Variants in MYT1L observed in about 807,000 individuals in gnomAD.
MYT1L encodes the protein myelin transcription factor 1 like, also known as myelin transcription factor 1-like protein.
In MYT1L, 12 loss-of-function variants were observed where a neutral mutation model predicts 126.7. That is an observed-to-expected ratio of 0.09 (90% CI 0.06 to 0.15). The LOEUF (loss-of-function observed/expected upper bound fraction) is 0.15, where lower values mean the gene tolerates loss of function less well. MYT1L is among the 10% of genes least tolerant of loss of function. MYT1L has a pLI of 1.00. For synonymous variants in MYT1L, 541 were observed against 604.2 expected, an observed-to-expected ratio of 0.90 and a Z score of 1.53; for missense variants, 979 against 1,585.2, an observed-to-expected ratio of 0.62 and a Z score of 6.49.
At chr2:2,032,660 G>C (rs938627016) in intron 4 of MYT1L, among the ~76,000 whole-genome samples, 2 of 132,408 alleles carry the variant, frequency 1.5e-5, no homozygotes, top group African/African-American at 6.0e-5. Flanking sequence ...TCTAGAAGGA[G>C]GGCCTTACAC....
chr2:2,314,627 GCCATGATGGTTTGTTGAA>G (rs560014454), intron 1 of MYT1L, among the ~76,000 whole-genome samples: 83 of 152,244 alleles, frequency 5.5e-4, no homozygotes, highest in South Asian at 1.9e-3. Context: ...GTAAACATGT[GCCATGATGGTTTGTTGAA>G]CCTATCAACC....
intron 8 of MYT1L, among the ~76,000 whole-genome samples, chr2:1,977,257 C>T (rs904783943): frequency 1.1e-4 from 17 of 152,040 alleles, no homozygotes; most frequent in African/African-American, 3.4e-4. Context: ...GGCAAGTTTC[C>T]GAAGGAAGAA....
At chr2:1,842,483 G>T (rs750027319) in intron 19 of MYT1L, 3 of 152,246 alleles carry the variant, frequency 2.0e-5, no homozygotes, top group African/African-American at 7.2e-5. Context: ...GGAAAGAGGC[G>T]GCGAGGCGAG....
intron 3 of MYT1L, among the ~76,000 whole-genome samples, chr2:2,090,190 C>T (rs952408800): frequency 6.6e-6 from 1 of 152,186 alleles, no homozygotes; most frequent in African/African-American, 2.4e-5. Flanking sequence ...CTCACAACAT[C>T]TTTGTCAATC....
rs755134159 is a variant in MYT1L, at chr2:1,922,255, T to C, written c.1483+31A>G. The C allele has an allele frequency of 1.2e-6, 2 of 1,601,454 alleles. No individual in the cohort carries two copies. The highest frequency in any genetic ancestry group is 1.7e-5 in the Admixed American group (1 of 59,390). ...TCCTTTACCCTAGCTCATGTTTTCA[T>C]GAGGCAACTTACGTTAGGTAGAAAT... On this transcript the variant is annotated intron_variant, in intron 10 of 24. Coordinates refer to ENST00000647738, the MANE Select transcript of MYT1L (RefSeq NM_001303052.2). The surrounding 1 kb of genome is among the most constrained non-coding windows in gnomAD (Gnocchi z 7.4).
At chr2:1,859,886 T>C (rs926370608) in intron 18 of MYT1L, among the ~76,000 whole-genome samples, 2 of 152,240 alleles carry the variant, frequency 1.3e-5, no homozygotes, top group Non-Finnish European at 1.5e-5. Context: ...CGGGCCGCGC[T>C]GGTGACAGGT....
At chr2:2,317,377 A>G in intron 1 of MYT1L, among the ~76,000 whole-genome samples, 1 of 152,248 alleles carries the variant, frequency 6.6e-6, no homozygotes, top group Middle Eastern at 3.4e-3. Flanking sequence ...GTCCATGTGA[A>G]GATGCCAAAC....
chr2:1,879,043 C>G (rs2047242784), intron 18 of MYT1L, among the ~76,000 whole-genome samples: 1 of 152,162 alleles, frequency 6.6e-6, no homozygotes, highest in Admixed American at 6.5e-5. Flanking sequence ...TGGAAGGCCA[C>G]AGATCACATG....
At chr2:2,121,362 A>T (rs2080979719) in intron 3 of MYT1L, among the ~76,000 whole-genome samples, 2 of 151,390 alleles carry the variant, frequency 1.3e-5, no homozygotes, top group Admixed American at 6.6e-5. Flanking sequence ...TTTTTAGTAG[A>T]GACGGGGTTT....
At chr2:2,268,091 T>C (rs974005281) in intron 2 of MYT1L, among the ~76,000 whole-genome samples, 2 of 152,184 alleles carry the variant, frequency 1.3e-5, no homozygotes, top group Admixed American at 6.5e-5. Context: ...AGATAGAGTT[T>C]AAAACAAGGT....
chr2:2,265,665 G>A (rs867449840), intron 2 of MYT1L, among the ~76,000 whole-genome samples: 8 of 152,234 alleles, frequency 5.3e-5, no homozygotes, highest in African/African-American at 1.7e-4. Flanking sequence ...CCGTGAGAAA[G>A]ATTATTTAAT....
intron 3 of MYT1L, among the ~76,000 whole-genome samples, chr2:2,153,071 G>A (rs186315337): frequency 6.6e-6 from 1 of 152,282 alleles, no homozygotes; most frequent in Non-Finnish European, 1.5e-5. Flanking sequence ...ACTAAGGTGG[G>A]AGGGTTGCTT....
intron 2 of MYT1L, among the ~76,000 whole-genome samples, chr2:2,176,025 A>G (rs1400665315): frequency 1.3e-5 from 2 of 152,194 alleles, no homozygotes; most frequent in African/African-American, 4.8e-5. Flanking sequence ...TACCAAGTTA[A>G]ACGGATTTCA....
intron 2 of MYT1L, among the ~76,000 whole-genome samples, chr2:2,267,485 A>T (rs1321448247): frequency 6.6e-6 from 1 of 152,172 alleles, no homozygotes; most frequent in Non-Finnish European, 1.5e-5. Flanking sequence ...GTGGCGATAC[A>T]CCATACTGGG....
chr2:2,148,736 A>G (rs192739038), intron 3 of MYT1L, among the ~76,000 whole-genome samples: 3 of 152,312 alleles, frequency 2.0e-5, no homozygotes, highest in Admixed American at 2.0e-4. Flanking sequence ...AGCTTGGGGT[A>G]AACAACATGA....
In MYT1L at chr2:2,155,714, T is replaced by C. The variant is rs73913226; in HGVS notation, c.-304+17158A>G. Reference sequence around the variant, plus strand: ...CTGCTGATGACTCAAGGAATTGCTATGCCCACTGTGTCGGGGGGATGCTGG... The same window carrying C: ...CTGCTGATGACTCAAGGAATTGCTACGCCCACTGTGTCGGGGGGATGCTGG... On this transcript the variant is annotated intron_variant, in intron 3 of 24. Transcript: ENST00000647738. Among the ~76,000 whole-genome samples the C allele has an allele frequency of 8.6e-3, 1,306 of 152,330 alleles. 23 individuals carry two copies. Among genetic ancestry groups the C allele is most frequent in the African/African-American group, 0.026 (1,082 of 41,572 alleles).
intron 2 of MYT1L, among the ~76,000 whole-genome samples, chr2:2,264,117 G>T (rs1040302561): frequency 1.3e-5 from 2 of 152,206 alleles, no homozygotes; most frequent in Non-Finnish European, 2.9e-5. Flanking sequence ...AACCTTGACT[G>T]ACCCTGAAGC....
chr2:1,995,041 A>G (rs868111366), intron 5 of MYT1L, among the ~76,000 whole-genome samples: 6 of 152,216 alleles, frequency 3.9e-5, no homozygotes, highest in African/African-American at 1.4e-4. Flanking sequence ...TTCCACAGAA[A>G]AGTCATAGAA....
At chr2:2,215,793 A>G (rs984999381) in intron 2 of MYT1L, among the ~76,000 whole-genome samples, 3 of 152,250 alleles carry the variant, frequency 2.0e-5, no homozygotes, top group South Asian at 2.1e-4. Context: ...TCCCTGCCCA[A>G]ATCTCACGTT....
Sources: gnomAD v4.1 joint callset for allele counts (sites outside exome capture counted in the v4.1 genomes callset) on GRCh38, gnomAD v4.1.1 for gene constraint, Gnocchi (gnomAD v3.1) non-coding constraint, MANE v1.5 for transcripts, NCBI Gene and HGNC (gene_info 2026-07-23, HGNC 2026-07-21) for gene names.